The following TAF2 variants were observed in gnomAD, a reference collection of about 807,000 sequenced individuals.
TAF2 encodes the protein TATA-box binding protein associated factor 2, also known as transcription initiation factor TFIID subunit 2.
A neutral mutation model predicts 138.5 loss-of-function variants in TAF2; 61 were observed. The ratio of observed to expected loss-of-function variants is 0.44; its 90% CI spans 0.36 to 0.54. The LOEUF is 0.54. Among genes scored for constraint, TAF2 ranks in the 20% least tolerant of loss-of-function variants. The pLI is 0.00. For synonymous variants in TAF2, 475 were observed against 469.9 expected (o/e 1.01, Z -0.14); for missense variants, 1,090 against 1,427.9 (o/e 0.76, Z 3.81).
chr8:119,814,614 C>G (rs1260547892), intron 3 of TAF2, among the ~76,000 whole-genome samples: 8 of 151,510 alleles, frequency 5.3e-5, no homozygotes, highest in Non-Finnish European at 1.2e-4. Flanking sequence ...GGCTTCTCGG[C>G]TGGATGTGGT....
chr8:119,755,174 T>A (rs888496463), intron 22 of TAF2, among the ~76,000 whole-genome samples: 2 of 152,346 alleles, frequency 1.3e-5, no homozygotes, highest in Admixed American at 1.3e-4. Context: ...TCCTAAACAC[T>A]GTTTTCTTAC....
chr8:119,737,511 C>CTTT (rs34513662), intron 25 of TAF2, among the ~76,000 whole-genome samples: 4 of 137,350 alleles, frequency 2.9e-5, no homozygotes, highest in Admixed American at 7.5e-5. Flanking sequence ...TTTTCTTTTT[C>CTTT]TTTTTTTTTT....
At chr8:119,737,681 G>A (rs1819320030) in intron 25 of TAF2, among the ~76,000 whole-genome samples, 3 of 151,612 alleles carry the variant, frequency 2.0e-5, no homozygotes, top group Admixed American at 2.0e-4. Context: ...GCTAATTTTT[G>A]TATTTTTAGT....
intron 3 of TAF2, among the ~76,000 whole-genome samples, chr8:119,807,523 A>T (rs551300466): frequency 6.6e-6 from 1 of 152,352 alleles, no homozygotes; most frequent in South Asian, 2.1e-4. Flanking sequence ...AACACCATGG[A>T]CCACATCCTC....
chr8:119,792,736 A>G (rs933873693), intron 10 of TAF2, among the ~76,000 whole-genome samples: 3 of 152,108 alleles, frequency 2.0e-5, no homozygotes, highest in African/African-American at 7.2e-5. Flanking sequence ...GCCCTCATAG[A>G]AAGGCTCCAG....
At chr8:119,791,745 A>C (rs1823444323) in intron 10 of TAF2, 30 of 335,246 alleles carry the variant, frequency 8.9e-5, no homozygotes, top group South Asian at 8.9e-4. Flanking sequence ...CATCAATACA[A>C]TCAGTGCAAT....
intron 22 of TAF2, among the ~76,000 whole-genome samples, chr8:119,747,533 C>A (rs1052202079): frequency 2.0e-5 from 3 of 152,142 alleles, no homozygotes; most frequent in Admixed American, 6.5e-5. Flanking sequence ...GAGGCAAGTT[C>A]TTTCCATTTC....
intron 25 of TAF2, among the ~76,000 whole-genome samples, chr8:119,736,376 A>G (rs1276837856): frequency 1.3e-5 from 2 of 152,244 alleles, no homozygotes; most frequent in African/African-American, 2.4e-5. Flanking sequence ...CTATGACAGA[A>G]TATTTACAAG....
At chr8:119,781,014 T>C (rs770804979) in intron 17 of TAF2, 39 bp downstream of exon 17, 2 of 1,581,662 alleles carry the variant, frequency 1.3e-6, no homozygotes, top group Non-Finnish European at 1.7e-6. Context: ...TAAACTGAAA[T>C]ATATAAAAAC....
At chr8:119,790,544 C>T (rs1187055921) in intron 11 of TAF2, among the ~76,000 whole-genome samples, 2 of 152,080 alleles carry the variant, frequency 1.3e-5, no homozygotes, top group East Asian at 3.9e-4. Context: ...TTATTTTTTA[C>T]CTGCCTCTAA....
chr8:119,804,238 T>C (rs1211175149), intron 4 of TAF2, among the ~76,000 whole-genome samples: 1 of 152,194 alleles, frequency 6.6e-6, no homozygotes, highest in East Asian at 1.9e-4. Context: ...ATTATAACTA[T>C]TGCTTGTATT....
In TAF2 at chr8:119,744,207, G is replaced by A. The variant is rs1425877900; in HGVS notation, c.3214+81C>T. The A allele has an allele frequency of 2.4e-6, 3 of 1,262,868 alleles. No individual in the cohort carries two copies. The East Asian group carries it at 6.9e-5, about 29-fold the overall frequency. 78.2% of individuals were successfully genotyped at this position (1,262,868 alleles called of 1,614,324 possible). ...TTTTAAACTGTATAGTTGTTCATTT[G>A]AAAATAAAGTAACACACATTAGAAT... On this transcript the variant is annotated intron_variant, in intron 24 of 25. Transcript: ENST00000378164.
At chr8:119,806,433 T>G in intron 3 of TAF2, 32 bp from the exon 4 acceptor site, 1 of 1,458,958 alleles carries the variant, frequency 6.9e-7, no homozygotes, top group Non-Finnish European at 9.6e-7. Flanking sequence ...CTTTTAATAA[T>G]AAGCCATGTA....
At chr8:119,774,008 A>G (rs1051091450) in intron 18 of TAF2, among the ~76,000 whole-genome samples, 2 of 151,350 alleles carry the variant, frequency 1.3e-5, no homozygotes, top group Non-Finnish European at 2.9e-5. Context: ...TGTCTCTACT[A>G]AAAATACAAA....
chr8:119,762,700 A>G (rs904230292), intron 18 of TAF2, 92 bp from the exon 19 acceptor site: 28 of 1,275,744 alleles, frequency 2.2e-5, no homozygotes, highest in Non-Finnish European at 2.9e-5. Flanking sequence ...ATTTTAGATA[A>G]AATAAAAATT....
At chr8:119,821,945 T>C (rs1469844202) in intron 2 of TAF2, among the ~76,000 whole-genome samples, 3 of 152,186 alleles carry the variant, frequency 2.0e-5, no homozygotes, top group East Asian at 3.9e-4. Context: ...GGTGGAATGA[T>C]TGCTTGAGCC....
intron 2 of TAF2, among the ~76,000 whole-genome samples, chr8:119,826,557 C>T (rs1256097475): frequency 6.6e-6 from 1 of 151,716 alleles, no homozygotes; most frequent in Non-Finnish European, 1.5e-5. Flanking sequence ...TTTATATTTC[C>T]TGTTTACATT....
At chr8:119,749,465 AG>A (rs1428656605) in intron 22 of TAF2, among the ~76,000 whole-genome samples, 1 of 152,212 alleles carries the variant, frequency 6.6e-6, no homozygotes, top group Admixed American at 6.5e-5. Context: ...TAGAGATAAA[AG>A]CCAAAATTTC....
chr8:119,760,535 A>G, intron 20 of TAF2, 64 bp downstream of exon 20: 2 of 1,584,836 alleles, frequency 1.3e-6, no homozygotes, highest in Non-Finnish European at 8.6e-7. Flanking sequence ...CCCCAACAAC[A>G]CTGGCTTTAA....
Sources: allele counts gnomAD v4.1 joint callset (sites outside exome capture counted in the v4.1 genomes callset), GRCh38; gene constraint gnomAD v4.1.1; transcripts MANE v1.5; gene names NCBI Gene and HGNC (gene_info 2026-07-23, HGNC 2026-07-21).